Variants in TRAPPC11 observed in about 807,000 individuals in gnomAD.
TRAPPC11 encodes trafficking protein particle complex subunit 11.
A neutral mutation model predicts 151.2 loss-of-function variants in TRAPPC11; 104 were observed. The ratio of observed to expected loss-of-function variants is 0.69; its 90% confidence interval spans 0.59 to 0.81. TRAPPC11 has a LOEUF of 0.81. TRAPPC11 is among the 30% of genes least tolerant of loss of function. The pLI is 0.00. For missense variants in TRAPPC11, 1,230 were observed against 1,349.6 expected, an observed-to-expected ratio of 0.91 and a Z score of 1.39; for synonymous variants, 456 against 472.3, an observed-to-expected ratio of 0.97 and a Z score of 0.45.
intron 6 of TRAPPC11, 174 bp from the exon 7 acceptor site, chr4:183,674,990 C>T: frequency 1.7e-6 from 1 of 575,244 alleles, no homozygotes; most frequent in South Asian, 3.4e-5. Flanking sequence ...TTTTAAAGTT[C>T]TTAAAGGTAG....
intron 17 of TRAPPC11, 86 bp downstream of exon 17, chr4:183,685,489 GTC>G (rs1184507248): frequency 7.6e-6 from 11 of 1,449,838 alleles, no homozygotes; most frequent in Non-Finnish European, 1.0e-5. Context: ...AAATATAAAA[GTC>G]AAGAAAGAGT....
chr4:183,712,728 C>A lies in TRAPPC11; in HGVS notation c.*84C>A. 1 of 1,402,930 alleles carries A rather than the reference C, an allele frequency of 7.1e-7. No homozygotes were observed. The highest frequency in any genetic ancestry group is 1.0e-6 in the Non-Finnish European group (1 of 994,278). The allele number at this position is 1,402,930 out of a possible 1,614,324, so 86.9% of individuals were successfully genotyped here. A position where few individuals can be genotyped will look rare whatever the true frequency, so the allele number is the denominator to read the frequency against. On this transcript the variant is annotated 3_prime_UTR_variant, in exon 30 of 30. Coordinates refer to ENST00000334690, the MANE Select transcript of TRAPPC11 (RefSeq NM_021942.6). The stretch of plus-strand genomic sequence containing the variant: ...TTTCATTGTGAACTCTAGCTTTGAT[C>A]ATGGTAAAAAGTTAACCTTTTCTAT...
At chr4:183,693,368 C>T (rs1285562261) in intron 20 of TRAPPC11, among the ~76,000 whole-genome samples, 1 of 152,008 alleles carries the variant, frequency 6.6e-6, no homozygotes, top group Non-Finnish European at 1.5e-5. Context: ...CCATGCCTGA[C>T]TAATTTTTGT....
At chr4:183,665,091 CTTTTTTTTTTT>C (rs66913932) in intron 2 of TRAPPC11, among the ~76,000 whole-genome samples, 2 of 106,450 alleles carry the variant, frequency 1.9e-5, no homozygotes, top group South Asian at 6.1e-4. Context: ...TCTTTTCTTT[CTTTTTTTTTTT>C]TTTTTTTTTT....
chr4:183,665,375 T>C (rs1734827153), intron 2 of TRAPPC11, among the ~76,000 whole-genome samples: 2 of 152,206 alleles, frequency 1.3e-5, no homozygotes, highest in South Asian at 4.1e-4. Context: ...ATTACAGGCG[T>C]GAGCCACCGT....
chr4:183,705,577 C>T (rs1737014885), intron 27 of TRAPPC11, among the ~76,000 whole-genome samples: 2 of 152,156 alleles, frequency 1.3e-5, no homozygotes, highest in Non-Finnish European at 2.9e-5. Context: ...ATCACCTCTT[C>T]CAATACCGCT....
intron 1 of TRAPPC11, among the ~76,000 whole-genome samples, chr4:183,662,094 T>C (rs886810777): frequency 6.6e-6 from 1 of 152,030 alleles, no homozygotes; most frequent in South Asian, 2.1e-4. Context: ...TGGTATAGAT[T>C]ATCTTTTAAA....
chr4:183,668,331 C>T (rs1387347845), intron 5 of TRAPPC11, among the ~76,000 whole-genome samples: 1 of 112,576 alleles, frequency 8.9e-6, no homozygotes, highest in African/African-American at 4.0e-5. Context: ...CTCAAGTTTC[C>T]TTCCAAAAAA....
rs1735762258 is a variant in TRAPPC11 at position 183,682,778 on chromosome 4, G to A, written c.1160G>A (p.Gly387Asp). 6.2e-7 allele frequency: 1 copy of A among 1,613,694 alleles called. No individual in the cohort carries two copies. Among genetic ancestry groups the A allele is most frequent in the Non-Finnish European group, 8.5e-7 (1 of 1,179,852 alleles). The change falls in exon 11 of 30, where the codon GGC becomes GAC. Residue 387 changes from glycine (G) to aspartate (D), a missense_variant. Transcript: ENST00000334690. ...CCTGATCCCTTAGAAACACAAACAG[G>A]CGTTCTTGACTTTTATGGACAAAGA... ...PNPDPLETQTGVLDFYGQRSW... is the reference protein window; with the variant it reads ...PNPDPLETQTDVLDFYGQRSW...
intron 25 of TRAPPC11, among the ~76,000 whole-genome samples, chr4:183,698,800 C>T (rs1736668472): frequency 6.6e-6 from 1 of 152,166 alleles, no homozygotes; most frequent in South Asian, 2.1e-4. Context: ...ATTCCCTCGT[C>T]CAGTTGGAGG....
chr4:183,674,951 T>C (rs903748552), intron 6 of TRAPPC11, 139 bp downstream of exon 6: 7 of 613,882 alleles, frequency 1.1e-5, no homozygotes, highest in Non-Finnish European at 1.9e-5. Context: ...CTTTTAAAAA[T>C]TAATTTGTTT....
chr4:183,702,079 C>T (rs920728088), intron 26 of TRAPPC11, among the ~76,000 whole-genome samples: 2 of 152,168 alleles, frequency 1.3e-5, no homozygotes, highest in African/African-American at 4.8e-5. Context: ...CGCAGTGGCT[C>T]CCACCTGTAA....
At chr4:183,678,320 A>T (rs1466149714) in intron 8 of TRAPPC11, among the ~76,000 whole-genome samples, 1 of 152,176 alleles carries the variant, frequency 6.6e-6, no homozygotes, top group Non-Finnish European at 1.5e-5. Flanking sequence ...AAGTCAAGCA[A>T]CGGCTGTTTG....
chr4:183,705,450 A>G (rs1457667266), intron 27 of TRAPPC11, among the ~76,000 whole-genome samples: 1 of 152,144 alleles, frequency 6.6e-6, no homozygotes, highest in Non-Finnish European at 1.5e-5. Context: ...AGGACTATAC[A>G]CTGCAACTGA....
intron 29 of TRAPPC11, among the ~76,000 whole-genome samples, chr4:183,708,998 T>C (rs1737212555): frequency 6.6e-6 from 1 of 152,086 alleles, no homozygotes; most frequent in South Asian, 2.1e-4. Flanking sequence ...TTAATGTTTT[T>C]TTTTTAATTA....
At chr4:183,690,438 A>G (rs527920836) in intron 18 of TRAPPC11, among the ~76,000 whole-genome samples, 1 of 152,328 alleles carries the variant, frequency 6.6e-6, no homozygotes, top group South Asian at 2.1e-4. Context: ...TTACTCATCT[A>G]TGAGGATTGT....
chr4:183,691,271 T>A, intron 18 of TRAPPC11, 45 bp from the exon 19 acceptor site: 1 of 1,418,762 alleles, frequency 7.0e-7, no homozygotes. Context: ...GCATTTAGGG[T>A]TAGCAGACAT....
chr4:183,665,357 G>C (rs11132203), intron 2 of TRAPPC11, among the ~76,000 whole-genome samples: 36 of 152,166 alleles, frequency 2.4e-4, no homozygotes, highest in Non-Finnish European at 5.0e-4. Flanking sequence ...GCCTCCCAAA[G>C]TGCTGGGATT....
At chr4:183,702,439 T>C (rs924684702) in intron 26 of TRAPPC11, among the ~76,000 whole-genome samples, 2 of 151,490 alleles carry the variant, frequency 1.3e-5, no homozygotes, top group African/African-American at 2.4e-5. Context: ...AGAGAATAAA[T>C]TGTGGCACGT....
Sources: gnomAD v4.1 joint callset for allele counts (sites outside exome capture counted in the v4.1 genomes callset) on GRCh38, gnomAD v4.1.1 for gene constraint, MANE v1.5 for transcripts, NCBI Gene and HGNC (gene_info 2026-07-23, HGNC 2026-07-21) for gene names.